Variants in MGARP observed in about 807,000 individuals in gnomAD.
MGARP encodes the protein protein MGARP.
Under a neutral mutation model 11.0 loss-of-function variants are expected in MGARP, and 12 were observed. The observed-to-expected ratio is 1.09, with a 90% CI of 0.70 to 1.77. The LOEUF (loss-of-function observed/expected upper bound fraction) is 1.77, where lower values mean the gene tolerates loss of function less well. Ranked by LOEUF, MGARP falls within the 40% of genes most tolerant of loss-of-function variation. MGARP has a pLI of 0.00. For missense variants in MGARP, 283 were observed against 297.8 expected (o/e 0.95, Z 0.36); for synonymous variants, 110 against 115.4 (o/e 0.95, Z 0.30).
chr4:139,268,869 A>C, intron 2 of MGARP, 104 bp from the exon 3 acceptor site: 1 of 771,302 alleles, frequency 1.3e-6, no homozygotes, highest in Non-Finnish European at 2.1e-6. Flanking sequence ...TTAGAAGTTT[A>C]AACCATAATC....
At chr4:139,274,108 A>G (rs1045788665) in intron 2 of MGARP, among the ~76,000 whole-genome samples, 2 of 151,778 alleles carry the variant, frequency 1.3e-5, no homozygotes. Context: ...AACAAAAATT[A>G]TGGAGACAGT....
chr4:139,273,377 G>A lies in MGARP; in HGVS notation c.186+1912C>T, dbSNP rs150858791. On this transcript the variant is annotated intron_variant, in intron 2 of 3. Coordinates refer to ENST00000398955, the MANE Select transcript of MGARP (RefSeq NM_032623.4). ...TAGGACCACAGGCACACACCACCAC[G>A]CTGGGCTAATTTTTTTATTTTTTAT... 3.4e-3 allele frequency among the ~76,000 whole-genome samples: 523 copies of A among 151,796 alleles called. 10 individuals are homozygous for A. Among genetic ancestry groups the A allele is most frequent in the Admixed American group, 0.023 (348 of 15,208 alleles).
intron 1 of MGARP, among the ~76,000 whole-genome samples, chr4:139,278,505 T>A (rs1259456409): frequency 6.6e-6 from 1 of 152,208 alleles, no homozygotes; most frequent in Non-Finnish European, 1.5e-5. Context: ...GTATTTAAAA[T>A]TTTTAAACTA....
At chr4:139,279,983 T>G in intron 1 of MGARP, 94 bp downstream of exon 1, 4 of 1,347,158 alleles carry the variant, frequency 3.0e-6, no homozygotes, top group Non-Finnish European at 4.2e-6. Context: ...CTGGGTCGGG[T>G]TTGGCCAACT....
chr4:139,279,284 ATATGTCCGTTTT>A (rs1489214441), intron 1 of MGARP, among the ~76,000 whole-genome samples: 1 of 152,104 alleles, frequency 6.6e-6, no homozygotes, highest in Non-Finnish European at 1.5e-5. Flanking sequence ...GCGCTTTCCT[ATATGTCCGTTTT>A]TATTTAATAA....
At chr4:139,269,460 C>T (rs939362774) in intron 2 of MGARP, among the ~76,000 whole-genome samples, 4 of 151,834 alleles carry the variant, frequency 2.6e-5, no homozygotes, top group Non-Finnish European at 5.9e-5. Flanking sequence ...GAAACCCCAT[C>T]TCTACTAAAA....
At chr4:139,275,772 A>T (rs913958399) in intron 1 of MGARP, among the ~76,000 whole-genome samples, 3 of 152,238 alleles carry the variant, frequency 2.0e-5, no homozygotes, top group Admixed American at 6.5e-5. Flanking sequence ...ATTATTTTTT[A>T]AAAAATGAAT....
chr4:139,269,630 CAAAAAAAAAAA>C (rs56142345), intron 2 of MGARP, among the ~76,000 whole-genome samples: 1 of 81,856 alleles, frequency 1.2e-5, no homozygotes, highest in Non-Finnish European at 2.6e-5. Flanking sequence ...GACTCCATCT[CAAAAAAAAAAA>C]AAAAAAGAAA....
chr4:139,266,345 C>A lies in MGARP; in HGVS notation c.*254G>T, dbSNP rs948627866. On this transcript the variant is annotated 3_prime_UTR_variant, in exon 4 of 4. Transcript: ENST00000398955. The stretch of plus-strand genomic sequence containing the variant: ...AAAGAAAAGTGTCTAGAAAAAAAAA[C>A]CAAAGATGAAACTATTTAAGCTCTT... 18 of 348,138 alleles carry A rather than the reference C, an allele frequency of 5.2e-5. No homozygotes were observed. The highest frequency in any genetic ancestry group is 3.5e-4 in the East Asian group (7 of 20,186). 21.6% of individuals were successfully genotyped at this position (348,138 alleles called of 1,614,324 possible).
chr4:139,271,324 G>C (rs999218641), intron 2 of MGARP, among the ~76,000 whole-genome samples: 14 of 152,104 alleles, frequency 9.2e-5, no homozygotes, highest in African/African-American at 3.4e-4. Context: ...TCAGGAGTTC[G>C]AGACCAGCCT....
intron 2 of MGARP, among the ~76,000 whole-genome samples, chr4:139,272,278 C>T (rs1052678556): frequency 2.6e-5 from 4 of 152,074 alleles, no homozygotes; most frequent in Admixed American, 6.6e-5. Context: ...ATTTCTAGGC[C>T]GGGCTTGGTG....
At chr4:139,267,106 C>T (rs1045950563) in intron 3 of MGARP, 65 bp from the exon 4 acceptor site, 10 of 1,516,476 alleles carry the variant, frequency 6.6e-6, no homozygotes, top group African/African-American at 1.4e-5. Context: ...TGAAACACTG[C>T]GGTCGTTTAA....
intron 2 of MGARP, among the ~76,000 whole-genome samples, chr4:139,269,085 C>G (rs1045099487): frequency 6.6e-6 from 1 of 152,102 alleles, no homozygotes; most frequent in Non-Finnish European, 1.5e-5. Flanking sequence ...CATAATTTAC[C>G]TATTAACAAA....
rs748274887 is a variant in MGARP, at chr4:139,278,105, T to A, written c.82+1972A>T. 2.8e-4 allele frequency among the ~76,000 whole-genome samples: 43 copies of A among 152,254 alleles called. 2 individuals are homozygous for A. The highest frequency in any genetic ancestry group is 2.7e-3 in the South Asian group (13 of 4,818). ...AGCTGGGTGTGGTGGCCCGTGCCTG[T>A]AATCCCAGCTACTCCGGAGGCTGAG... On this transcript the variant is annotated intron_variant, in intron 1 of 3. Transcript: ENST00000398955.
intron 1 of MGARP, among the ~76,000 whole-genome samples, chr4:139,277,578 A>G (rs17050729): frequency 0.3 from 46,256 of 152,192 alleles, 7,833 homozygotes; most frequent in African/African-American, 0.46. Context: ...ACTTAAAAAG[A>G]CAATGAAATG....
chr4:139,269,381 C>T (rs975306828), intron 2 of MGARP, among the ~76,000 whole-genome samples: 12 of 152,174 alleles, frequency 7.9e-5, no homozygotes, highest in African/African-American at 2.6e-4. Flanking sequence ...GTAATCCCAG[C>T]ACTTTGGGAG....
At chr4:139,279,666 G>C (rs1160235597) in intron 1 of MGARP, among the ~76,000 whole-genome samples, 1 of 152,196 alleles carries the variant, frequency 6.6e-6, no homozygotes, top group African/African-American at 2.4e-5. Context: ...GCTTCCTCAG[G>C]AGATTGGAGA....
intron 1 of MGARP, among the ~76,000 whole-genome samples, chr4:139,279,141 G>T (rs894895779): frequency 2.6e-5 from 4 of 152,290 alleles, no homozygotes; most frequent in East Asian, 1.9e-4. Flanking sequence ...GAAGAGAGAG[G>T]GGTGACGGAT....
At chr4:139,273,931 T>G (rs1744827385) in intron 2 of MGARP, among the ~76,000 whole-genome samples, 1 of 152,220 alleles carries the variant, frequency 6.6e-6, no homozygotes, top group African/African-American at 2.4e-5. Flanking sequence ...TCCCAAAATC[T>G]CACTATTAAA....
Sources: gnomAD v4.1 joint callset for allele counts (sites outside exome capture counted in the v4.1 genomes callset) on GRCh38, gnomAD v4.1.1 for gene constraint, MANE v1.5 for transcripts, NCBI Gene and HGNC (gene_info 2026-07-23, HGNC 2026-07-21) for gene names.